The following FOSL2 variants were observed in gnomAD, a reference collection of about 807,000 sequenced individuals.
FOSL2 encodes the protein fos-related antigen 2.
A neutral mutation model predicts 27.7 loss-of-function variants in FOSL2; 3 were observed. The ratio of observed to expected loss-of-function variants is 0.11; its 90% CI spans 0.05 to 0.28. FOSL2 has a LOEUF of 0.28. Among genes scored for constraint, FOSL2 ranks in the 10% least tolerant of loss-of-function variants. The pLI, the probability that FOSL2 is intolerant of heterozygous loss-of-function variation, is 1.00. For missense variants in FOSL2, 333 were observed against 445.1 expected, an observed-to-expected ratio of 0.75 and a Z score of 2.27; for synonymous variants, 179 against 190.1, an observed-to-expected ratio of 0.94 and a Z score of 0.48.
Position 28,408,938 on chromosome 2 carries a change from C to T in FOSL2, c.462+72C>T. On this transcript the variant is annotated intron_variant, in intron 3 of 3. Coordinates refer to ENST00000264716, the MANE Select transcript of FOSL2 (RefSeq NM_005253.4). The surrounding 1 kb of genome is among the most constrained non-coding windows in gnomAD (Gnocchi z 4.1). ...TGAGAGCCCCGGGGGTCCTGATCCT[C>T]TCTCCCACAGCTGTCTCCTTACCCA... The T allele has an allele frequency of 1.0e-6, 1 of 1,004,184 alleles. No homozygotes were observed. 62.2% of individuals were successfully genotyped at this position (1,004,184 alleles called of 1,614,324 possible).
intron 1 of FOSL2, chr2:28,397,188 C>T (rs1663862382): frequency 6.6e-6 from 1 of 151,912 alleles, no homozygotes; most frequent in Non-Finnish European, 1.5e-5. Flanking sequence ...TCGTTGTGCA[C>T]AAGTACCCTA....
chr2:28,404,119 G>C lies in FOSL2; in HGVS notation c.115G>C (p.Asp39His), dbSNP rs543868976. ...GGGGQQKFRV[D>H]MPGSGSAFIP... ...TTCCTCATTTCAGAAATTCCGGGTA[G>C]ATATGCCTGGCTCAGGCAGTGCATT... Residue 39 changes from aspartate (D) to histidine (H), a missense_variant, in exon 2 of 4, where the codon GAT becomes CAT. Transcript: ENST00000264716. The surrounding 1 kb of genome is among the most constrained non-coding windows in gnomAD (Gnocchi z 4.7). The C allele has an allele frequency of 4.3e-6, 7 of 1,614,148 alleles. No individual in the cohort carries two copies. The South Asian group carries it at 7.7e-5, about 18-fold the overall frequency.
intron 1 of FOSL2, among the ~76,000 whole-genome samples, chr2:28,400,572 C>T (rs1663949119): frequency 6.6e-6 from 1 of 152,178 alleles, no homozygotes. Context: ...CCCCGGGCCC[C>T]TCTGGGGATG....
rs1664039629 is a variant in FOSL2, at chr2:28,404,534, C to G, written c.354+176C>G. ...TGGAGGCCGAGCTGGAGAGCCAAGACTCAGGCTGGCTCTGTCATCTCGCTT... is the reference window on the plus strand; with the variant it reads ...TGGAGGCCGAGCTGGAGAGCCAAGAGTCAGGCTGGCTCTGTCATCTCGCTT... On this transcript the variant is annotated intron_variant, in intron 2 of 3. Transcript: ENST00000264716. This position sits in a 1 kb window ranked among gnomAD's most constrained non-coding sequence, Gnocchi z 4.7. Among the ~76,000 whole-genome samples the G allele has an allele frequency of 3.3e-5, 5 of 152,190 alleles. No individual in the cohort carries two copies. Among genetic ancestry groups the G allele is most frequent in the South Asian group, 2.1e-4 (1 of 4,832 alleles).
chr2:28,401,788 A>T (rs567380941), intron 1 of FOSL2, among the ~76,000 whole-genome samples: 5 of 152,212 alleles, frequency 3.3e-5, no homozygotes, highest in Non-Finnish European at 7.3e-5. Context: ...TCAGCGCCTG[A>T]TAAAAAGCCC....
Position 28,404,028 on chromosome 2 carries a change from A to G in FOSL2, c.103-79A>G. 1 of 1,546,538 alleles carries G rather than the reference A, an allele frequency of 6.5e-7. No individual in the cohort carries two copies. The highest frequency in any genetic ancestry group is 1.2e-5 in the South Asian group (1 of 83,114). The stretch of plus-strand genomic sequence containing the variant: ...TGTGCTCTGTGCTGGTTTTTGCCTC[A>G]GCTCTGTTCAATTATTATTAACTAT... On this transcript the variant is annotated intron_variant, in intron 1 of 3. Transcript: ENST00000264716. This position sits in a 1 kb window ranked among gnomAD's most constrained non-coding sequence, Gnocchi z 4.7.
rs573725428 is a variant in FOSL2, at chr2:28,413,811, C to T, written c.*1363C>T. ...GCTGTGAACAGCTGGCCTGAGCTGT[C>T]GCTGTGGCTTGTGGCTCATGCGCCA... On this transcript the variant is annotated 3_prime_UTR_variant, in exon 4 of 4. Coordinates refer to ENST00000264716, the MANE Select transcript of FOSL2 (RefSeq NM_005253.4). 208 of 398,868 alleles carry T rather than the reference C, an allele frequency of 5.2e-4. 2 individuals carry two copies. The East Asian group carries it at 6.6e-3, about 13-fold the overall frequency. The allele number at this position is 398,868 out of a possible 1,614,324, so 24.7% of individuals were successfully genotyped here.
At chr2:28,396,837 C>CAA (rs3221243) in intron 1 of FOSL2, 1 of 145,784 alleles carries the variant, frequency 6.9e-6, no homozygotes, top group Non-Finnish European at 1.5e-5. Flanking sequence ...CACACACACA[C>CAA]AAAATTCCCC....
chr2:28,396,275 T>C (rs1185941317), intron 1 of FOSL2, among the ~76,000 whole-genome samples: 1 of 150,280 alleles, frequency 6.7e-6, no homozygotes, highest in Non-Finnish European at 1.5e-5. Flanking sequence ...GGCCATGAGC[T>C]CCAGTGACTT....
chr2:28,401,768 T>G (rs1663977759), intron 1 of FOSL2, among the ~76,000 whole-genome samples: 1 of 152,254 alleles, frequency 6.6e-6, no homozygotes, highest in Non-Finnish European at 1.5e-5. Flanking sequence ...ACACACCTGC[T>G]GCTTTTCAGT....
In FOSL2 at chr2:28,416,444, CCTCT is replaced by C. The variant is rs889457778; in HGVS notation, c.*4003_*4006del. The C allele has an allele frequency of 7.0e-6, 1 of 142,338 alleles. No individual in the cohort carries two copies. Among genetic ancestry groups the C allele is most frequent in the Non-Finnish European group, 1.5e-5 (1 of 66,626 alleles). The allele number at this position is 142,338 out of a possible 1,614,324, so 8.8% of individuals were successfully genotyped here. On this transcript the variant is annotated 3_prime_UTR_variant, in exon 4 of 4. Coordinates refer to ENST00000264716, the MANE Select transcript of FOSL2 (RefSeq NM_005253.4). ...ACTGATAGCATTAAAATACTCCGTT[CCTCT>C]CTCTCTTCTCGCTTCCTTTTTTTTT...
Position 28,416,662 on chromosome 2 carries a change from CTCTG to C in FOSL2, c.*4216_*4219del, listed in dbSNP as rs1664317980. On this transcript the variant is annotated 3_prime_UTR_variant, in exon 4 of 4. Transcript: ENST00000264716. The stretch of plus-strand genomic sequence containing the variant: ...TGTCCTGATTCTCAAAAATTATTTT[CTCTG>C]TATGATTAAAAGTTTATTCCATTTA... 1 of 151,986 alleles carries C rather than the reference CTCTG, an allele frequency of 6.6e-6. No individual in the cohort carries two copies. Among genetic ancestry groups the C allele is most frequent in the Non-Finnish European group, 1.5e-5 (1 of 67,994 alleles). 9.4% of individuals were successfully genotyped at this position (151,986 alleles called of 1,614,324 possible).
At position 28,414,114 on chromosome 2, in the gene FOSL2, A is replaced by G. The variant is rs1382872726; in HGVS notation, c.*1666A>G. Reference sequence around the variant, plus strand: ...GCCTCTGCGGGGCTTGTGCTCTGCAAAGACTCTGCTGCTGGGGATTCAGCT... The same window carrying G: ...GCCTCTGCGGGGCTTGTGCTCTGCAGAGACTCTGCTGCTGGGGATTCAGCT... On this transcript the variant is annotated 3_prime_UTR_variant, in exon 4 of 4. Transcript: ENST00000264716. 1 of 337,582 alleles carries G rather than the reference A, an allele frequency of 3.0e-6. No homozygotes were observed. The highest frequency in any genetic ancestry group is 5.3e-6 in the Non-Finnish European group (1 of 186,934). The allele number at this position is 337,582 out of a possible 1,614,324, so 20.9% of individuals were successfully genotyped here.
intron 1 of FOSL2, among the ~76,000 whole-genome samples, chr2:28,398,873 T>C (rs984428502): frequency 7.2e-5 from 11 of 152,244 alleles, no homozygotes; most frequent in African/African-American, 2.7e-4. Context: ...AAATTCCTTA[T>C]GGAAGGCTTT....
rs1304635637 is a variant in FOSL2 at position 28,406,042 on chromosome 2, CCCTTTTTTTT to C, written c.354+1685_354+1694del. ...GAGGATGTGCTGAATGCTCTCCATT[CCCTTTTTTTT>C]TTTTTTTTTTTTTTTCTTTTTGAGA... On this transcript the variant is annotated intron_variant, in intron 2 of 3. Transcript: ENST00000264716. 1.3e-3 allele frequency among the ~76,000 whole-genome samples: 200 copies of C among 148,352 alleles called. 1 individual carries two copies. Among genetic ancestry groups the C allele is most frequent in the Non-Finnish European group, 1.7e-3 (114 of 67,182 alleles).
At chr2:28,402,030 T>C (rs1479588157) in intron 1 of FOSL2, among the ~76,000 whole-genome samples, 1 of 152,184 alleles carries the variant, frequency 6.6e-6, no homozygotes, top group Non-Finnish European at 1.5e-5. Context: ...TCAGAATGCA[T>C]TGTACTGGGT....
chr2:28,393,085 A>T lies in FOSL2; in HGVS notation c.-636A>T, dbSNP rs985007210. On this transcript the variant is annotated 5_prime_UTR_variant, in exon 1 of 4. Coordinates refer to ENST00000264716, the MANE Select transcript of FOSL2 (RefSeq NM_005253.4). This position sits in a 1 kb window ranked among gnomAD's most constrained non-coding sequence, Gnocchi z 4.6. Reference sequence around the variant, plus strand: ...TCCCTCTCAGCGCCAGCTCTACTTGAGCCCCACGAGCCGCTGTCCCCCTGG... The same window carrying T: ...TCCCTCTCAGCGCCAGCTCTACTTGTGCCCCACGAGCCGCTGTCCCCCTGG... The T allele has an allele frequency of 1.9e-5, 8 of 428,728 alleles. No homozygotes were observed. The highest frequency in any genetic ancestry group is 1.5e-4 in the African/African-American group (7 of 46,986). 26.6% of individuals were successfully genotyped at this position (428,728 alleles called of 1,614,324 possible).
chr2:28,412,133 A>G lies in FOSL2; in HGVS notation c.666A>G (p.Lys222=), dbSNP rs770862538. ...GCTCGGTGGGCGCTGTAGTGGTGAA[A>G]CAGGAGCCCCTGGAAGAGGACAGCC... The part of the protein sequence containing the change: ...GGGSVGAVVV[K]QEPLEEDSPS... The change falls in exon 4 of 4, where the codon AAA becomes AAG. Residue 222 remains lysine (K), a synonymous_variant. Coordinates refer to ENST00000264716, the MANE Select transcript of FOSL2 (RefSeq NM_005253.4). This position sits in a 1 kb window ranked among gnomAD's most constrained non-coding sequence, Gnocchi z 7.1. 6.2e-7 allele frequency: 1 copy of G among 1,604,704 alleles called. No homozygotes were observed. The highest frequency in any genetic ancestry group is 1.1e-5 in the South Asian group (1 of 90,962).
intron 2 of FOSL2, among the ~76,000 whole-genome samples, chr2:28,407,575 C>T (rs1664108971): frequency 2.0e-5 from 3 of 152,244 alleles, no homozygotes; most frequent in Admixed American, 2.0e-4. Context: ...CTTGGGGTAG[C>T]TTCTCCCTGC....
Sources: allele counts gnomAD v4.1 joint callset (sites outside exome capture counted in the v4.1 genomes callset), GRCh38; gene constraint gnomAD v4.1.1; non-coding constraint Gnocchi (gnomAD v3.1); transcripts MANE v1.5; gene names NCBI Gene and HGNC (gene_info 2026-07-23, HGNC 2026-07-21).